GNA14: variants seen among roughly 807,000 people sequenced by gnomAD.
GNA14 encodes G protein subunit alpha 14, also known as guanine nucleotide-binding protein subunit alpha-14.
A neutral mutation model predicts 42.0 loss-of-function variants in GNA14; 50 were observed. That is an observed-to-expected ratio of 1.19 (90% confidence interval 0.95 to 1.51). The LOEUF is 1.51. GNA14 is among the 40% of genes most tolerant of loss of function. The pLI is 0.00. For missense variants in GNA14, 473 were observed against 446.2 expected, an observed-to-expected ratio of 1.06 and a Z score of -0.54; for synonymous variants, 173 against 163.1, an observed-to-expected ratio of 1.06 and a Z score of -0.46.
rs534983198 is a variant in GNA14 at position 77,642,002 on chromosome 9, A to C, written c.124+5668T>G. On this transcript the variant is annotated intron_variant, in intron 1 of 6. Coordinates refer to ENST00000341700, the MANE Select transcript of GNA14 (RefSeq NM_004297.4). Reference sequence around the variant, plus strand: ...TTCTTGCAAATTCTTTGTAAATTTTAAATCGGTTCCAAATAAAAAGTAAAC... The same window carrying C: ...TTCTTGCAAATTCTTTGTAAATTTTCAATCGGTTCCAAATAAAAAGTAAAC... Among the ~76,000 whole-genome samples, 4 of 152,340 alleles carry C rather than the reference A, an allele frequency of 2.6e-5. No homozygotes were observed. In the South Asian group the frequency reaches 8.3e-4, roughly 32 times the overall value.
At chr9:77,575,026 T>G (rs1041567710) in intron 1 of GNA14, among the ~76,000 whole-genome samples, 1 of 152,156 alleles carries the variant, frequency 6.6e-6, no homozygotes, top group Non-Finnish European at 1.5e-5. Flanking sequence ...CCAAGGAAAC[T>G]TTTCTAGAGG....
chr9:77,624,554 A>C (rs1243685906), intron 1 of GNA14, among the ~76,000 whole-genome samples: 1 of 152,172 alleles, frequency 6.6e-6, no homozygotes, highest in Non-Finnish European at 1.5e-5. Flanking sequence ...CCCCTCTGGG[A>C]AGAAGCTTCC....
chr9:77,478,672 CAT>C (rs1174643113), intron 2 of GNA14, among the ~76,000 whole-genome samples: 1 of 152,196 alleles, frequency 6.6e-6, no homozygotes, highest in African/African-American at 2.4e-5. Flanking sequence ...TATTTCTCCA[CAT>C]CCTCTCCAGC....
intron 2 of GNA14, among the ~76,000 whole-genome samples, chr9:77,446,888 C>A (rs959428185): frequency 3.9e-5 from 6 of 152,018 alleles, no homozygotes; most frequent in African/African-American, 1.2e-4. Context: ...TTAAAGAAAT[C>A]CATTTTAACC....
Position 77,428,078 on chromosome 9 carries a change from T to TC in GNA14, c.723+828_723+829insG, listed in dbSNP as rs1361596289. On this transcript the variant is annotated intron_variant, in intron 5 of 6. Coordinates refer to ENST00000341700, the MANE Select transcript of GNA14 (RefSeq NM_004297.4). ...CAAGAGATGGCATTTTTTCTTTTTT[T>TC]TTTTCTTTTTTTTTTTTTGAGATGG... Among the ~76,000 whole-genome samples the TC allele has an allele frequency of 7.9e-4, 116 of 146,154 alleles. 2 individuals are homozygous for TC. The highest frequency in any genetic ancestry group is 2.8e-3 in the African/African-American group (108 of 38,764).
chr9:77,434,426 C>T lies in GNA14; in HGVS notation c.406G>A (p.Gly136Ser), dbSNP rs1200106738. ...EAIKQLWQDP[G>S]IQECYDRRRE... is the part of the protein sequence containing the mutation. ...CTCCTGTCGTAACACTCCTGGATGC[C>T]TGGATCTTGCCAGAGCTGCTTGATG... Residue 136 changes from glycine (G) to serine (S), a missense_variant, in exon 3 of 7, where the codon GGC (glycine) becomes AGC (serine). Gly to Ser is a moderately conservative substitution (Grantham distance 56). Coordinates refer to ENST00000341700, the MANE Select transcript of GNA14 (RefSeq NM_004297.4). 1 of 1,613,994 alleles carries T rather than the reference C, an allele frequency of 6.2e-7. No homozygotes were observed. The highest frequency in any genetic ancestry group is 1.3e-5 in the African/African-American group (1 of 74,918).
intron 2 of GNA14, among the ~76,000 whole-genome samples, chr9:77,435,079 C>G (rs1169714466): frequency 1.8e-4 from 27 of 150,462 alleles, no homozygotes; most frequent in Non-Finnish European, 1.5e-5. Context: ...AAAACACTGG[C>G]CAGCTGCGGT....
At chr9:77,613,266 A>C (rs957349545) in intron 1 of GNA14, among the ~76,000 whole-genome samples, 1 of 152,242 alleles carries the variant, frequency 6.6e-6, no homozygotes, top group Non-Finnish European at 1.5e-5. Flanking sequence ...CTTTTATTCC[A>C]TAATATGCTT....
At chr9:77,647,629 A>T (rs769720441) in intron 1 of GNA14, 41 bp downstream of exon 1, 23 of 1,590,390 alleles carry the variant, frequency 1.4e-5, no homozygotes, top group Non-Finnish European at 1.9e-5. Flanking sequence ...GCTCGGAAGA[A>T]AAACGCCCGG....
chr9:77,601,251 CT>C (rs1394421983), intron 1 of GNA14, among the ~76,000 whole-genome samples: 1 of 152,112 alleles, frequency 6.6e-6, no homozygotes, highest in Non-Finnish European at 1.5e-5. Flanking sequence ...TTCAATGTGT[CT>C]GTGTGCCTAA....
chr9:77,450,877 G>A (rs149252976), intron 2 of GNA14, among the ~76,000 whole-genome samples: 8 of 152,010 alleles, frequency 5.3e-5, no homozygotes, highest in Non-Finnish European at 8.8e-5. Flanking sequence ...AAGATCTGAC[G>A]GTTTTATAAA....
At chr9:77,546,251 T>C (rs1409691074) in intron 1 of GNA14, among the ~76,000 whole-genome samples, 2 of 143,908 alleles carry the variant, frequency 1.4e-5, no homozygotes, top group African/African-American at 2.6e-5. Flanking sequence ...AATTATCTAA[T>C]CCGCACTCCT....
intron 1 of GNA14, among the ~76,000 whole-genome samples, chr9:77,605,533 A>G (rs1823633266): frequency 6.6e-6 from 1 of 152,202 alleles, no homozygotes; most frequent in South Asian, 2.1e-4. Flanking sequence ...TAAGACTTTC[A>G]TGTGAAAGGA....
rs1386887697 is a variant in GNA14 at position 77,428,913 on chromosome 9, G to A, written c.717C>T (p.Asp239=). 1.9e-6 allele frequency: 3 copies of A among 1,613,342 alleles called. No individual in the cohort carries two copies. Among genetic ancestry groups the A allele is most frequent in the Non-Finnish European group, 2.5e-6 (3 of 1,179,718 alleles). The change falls in exon 5 of 7, where the codon GAC becomes GAT. Residue 239 remains aspartate, a synonymous_variant. Transcript: ENST00000341700. The part of the protein sequence containing the change: ...SEYDQVLAEC[D]NENRMEESKA... ...AACTTCCCGCCCAGCATACCTCGTT[G>A]TCACACTCAGCCAGGACCTGGTCAT... is the stretch of plus-strand genomic sequence containing the variant.
At chr9:77,498,020 T>G (rs987062843) in intron 2 of GNA14, among the ~76,000 whole-genome samples, 11 of 152,182 alleles carry the variant, frequency 7.2e-5, no homozygotes, top group African/African-American at 2.7e-4. Flanking sequence ...CATTTGCTTG[T>G]CACTGCAAAT....
chr9:77,565,454 C>T (rs1822952514), intron 1 of GNA14, among the ~76,000 whole-genome samples: 1 of 152,056 alleles, frequency 6.6e-6, no homozygotes, highest in African/African-American at 2.4e-5. Context: ...TTTCTTTTTA[C>T]CTTTTTTTAA....
At chr9:77,478,764 TTC>T (rs1836484146) in intron 2 of GNA14, among the ~76,000 whole-genome samples, 1 of 152,240 alleles carries the variant, frequency 6.6e-6, no homozygotes, top group Admixed American at 6.5e-5. Flanking sequence ...TGATTTGCAT[TTC>T]TCTGATGGCC....
At chr9:77,467,203 T>C (rs549600657) in intron 2 of GNA14, among the ~76,000 whole-genome samples, 16 of 152,128 alleles carry the variant, frequency 1.1e-4, no homozygotes, top group Admixed American at 4.6e-4. Context: ...AGGATGAGTG[T>C]AATTTTTTAA....
intron 2 of GNA14, among the ~76,000 whole-genome samples, chr9:77,497,346 C>T (rs1410099130): frequency 6.6e-6 from 1 of 152,160 alleles, no homozygotes; most frequent in Non-Finnish European, 1.5e-5. Context: ...AGATGGTGAC[C>T]ACACTAGACC....
Sources: gnomAD v4.1 joint callset for allele counts (sites outside exome capture counted in the v4.1 genomes callset) on GRCh38, gnomAD v4.1.1 for gene constraint, MANE v1.5 for transcripts, NCBI Gene and HGNC (gene_info 2026-07-23, HGNC 2026-07-21) for gene names.